NXPH1: variants seen among roughly 807,000 people sequenced by gnomAD.
NXPH1 encodes neurexophilin-1.
A neutral mutation model predicts 23.7 loss-of-function variants in NXPH1; 5 were observed. The ratio of observed to expected loss-of-function variants is 0.21; its 90% CI spans 0.11 to 0.44. The LOEUF (loss-of-function observed/expected upper bound fraction) is 0.44, where lower values mean the gene tolerates loss of function less well. NXPH1 is among the 20% of genes least tolerant of loss of function. The pLI, the probability that NXPH1 is intolerant of heterozygous loss-of-function variation, is 0.99. For missense variants in NXPH1, 324 were observed against 321.6 expected (o/e 1.01, Z -0.06); for synonymous variants, 144 against 122.2 (o/e 1.18, Z -1.18).
rs144607685 is a variant in NXPH1 at position 8,437,322 on chromosome 7, A to G, written c.54+1555A>G. Among the ~76,000 whole-genome samples, 230 of 149,708 alleles carry G rather than the reference A, an allele frequency of 1.5e-3. 1 individual carries two copies. Among genetic ancestry groups the G allele is most frequent in the Admixed American group, 2.5e-3 (37 of 15,086 alleles). On this transcript the variant is annotated intron_variant, in intron 2 of 2. Transcript: ENST00000405863. Reference sequence around the variant, plus strand: ...TTGAGAGACCATGGATGGAGGGCAGAAAGTTTGGCCAGAAGAAATATAGAA... The same window carrying G: ...TTGAGAGACCATGGATGGAGGGCAGGAAGTTTGGCCAGAAGAAATATAGAA...
intron 2 of NXPH1, among the ~76,000 whole-genome samples, chr7:8,466,357 G>A (rs561130504): frequency 6.6e-6 from 1 of 152,266 alleles, no homozygotes; most frequent in South Asian, 2.1e-4. Flanking sequence ...AATTGGTATG[G>A]GAACGATGAG....
At chr7:8,750,312 GTTTA>G (rs759851612) in intron 2 of NXPH1, among the ~76,000 whole-genome samples, 1 of 152,152 alleles carries the variant, frequency 6.6e-6, no homozygotes, top group Non-Finnish European at 1.5e-5. Context: ...GAGAATCACA[GTTTA>G]TTTCATATTT....
intron 2 of NXPH1, among the ~76,000 whole-genome samples, chr7:8,716,722 G>A (rs1323764921): frequency 4.6e-5 from 7 of 152,066 alleles, no homozygotes; most frequent in Non-Finnish European, 1.5e-5. Context: ...AAGAGTACAT[G>A]ATTTAAAAAA....
chr7:8,624,285 C>A (rs1819942033), intron 2 of NXPH1, among the ~76,000 whole-genome samples: 2 of 152,184 alleles, frequency 1.3e-5, no homozygotes, highest in South Asian at 4.2e-4. Flanking sequence ...AGAGAATGTA[C>A]TTGTTTTCAG....
At chr7:8,549,037 T>G (rs1818237670) in intron 2 of NXPH1, among the ~76,000 whole-genome samples, 2 of 151,516 alleles carry the variant, frequency 1.3e-5, no homozygotes, top group South Asian at 4.1e-4. Flanking sequence ...TGTTTAATAA[T>G]TGAAAGATAA....
In NXPH1 at chr7:8,563,622, G is replaced by A. The variant is rs190665332; in HGVS notation, c.54+127855G>A. Reference sequence around the variant, plus strand: ...GAGCTAGTATGAGAGCTGGTAAAGGGAAAGGATTTTAGGAGAAGTCAAATT... The same window carrying A: ...GAGCTAGTATGAGAGCTGGTAAAGGAAAAGGATTTTAGGAGAAGTCAAATT... On this transcript the variant is annotated intron_variant, in intron 2 of 2. Transcript: ENST00000405863. Among the ~76,000 whole-genome samples the A allele has an allele frequency of 5.0e-3, 754 of 151,856 alleles. 8 individuals are homozygous for A. The highest frequency in any genetic ancestry group is 0.017 in the African/African-American group (720 of 41,472).
At chr7:8,452,214 A>T (rs1816518851) in intron 2 of NXPH1, among the ~76,000 whole-genome samples, 1 of 152,196 alleles carries the variant, frequency 6.6e-6, no homozygotes, top group Admixed American at 6.5e-5. Flanking sequence ...TTCTTGTGAG[A>T]AGAATATCTG....
chr7:8,743,694 T>A (rs1338155569), intron 2 of NXPH1, among the ~76,000 whole-genome samples: 1 of 151,360 alleles, frequency 6.6e-6, no homozygotes, highest in Non-Finnish European at 1.5e-5. Context: ...CTTTTCTTTT[T>A]TTTTTTTGAG....
intron 2 of NXPH1, among the ~76,000 whole-genome samples, chr7:8,699,521 G>C (rs1212035782): frequency 1.3e-5 from 2 of 152,044 alleles, no homozygotes; most frequent in Non-Finnish European, 2.9e-5. Context: ...AAGTAATTTT[G>C]AACAGATATG....
intron 2 of NXPH1, among the ~76,000 whole-genome samples, chr7:8,490,490 T>A (rs1193775672): frequency 6.6e-6 from 1 of 151,874 alleles, no homozygotes; most frequent in African/African-American, 2.4e-5. Flanking sequence ...TGGTACTTCA[T>A]AGAAAGGAGT....
chr7:8,648,744 C>A (rs1820436479), intron 2 of NXPH1, among the ~76,000 whole-genome samples: 1 of 152,056 alleles, frequency 6.6e-6, no homozygotes, highest in African/African-American at 2.4e-5. Flanking sequence ...AATGTGTTTT[C>A]TTGAAAACAT....
intron 2 of NXPH1, among the ~76,000 whole-genome samples, chr7:8,530,594 G>A (rs959669175): frequency 2.6e-5 from 4 of 152,292 alleles, no homozygotes; most frequent in South Asian, 4.1e-4. Flanking sequence ...CAAGAAAGAC[G>A]GTTGTTGTAG....
chr7:8,735,019 T>G (rs188607316), intron 2 of NXPH1, among the ~76,000 whole-genome samples: 3 of 152,362 alleles, frequency 2.0e-5, no homozygotes, highest in Non-Finnish European at 4.4e-5. Context: ...TGAAGTTGCT[T>G]ATCAGCTTAA....
At chr7:8,556,963 C>T (rs531053995) in intron 2 of NXPH1, among the ~76,000 whole-genome samples, 103 of 151,786 alleles carry the variant, frequency 6.8e-4, no homozygotes, top group Middle Eastern at 6.8e-3. Context: ...GGTAATGTAC[C>T]TTGCTCAAGG....
intron 2 of NXPH1, among the ~76,000 whole-genome samples, chr7:8,463,738 G>C (rs1298636456): frequency 2.6e-5 from 4 of 152,088 alleles, no homozygotes; most frequent in Admixed American, 1.3e-4. Context: ...TCTATGGACT[G>C]TTCATTCCCT....
At chr7:8,586,280 A>C (rs1466541741) in intron 2 of NXPH1, among the ~76,000 whole-genome samples, 2 of 152,134 alleles carry the variant, frequency 1.3e-5, no homozygotes, top group Non-Finnish European at 2.9e-5. Flanking sequence ...GCAAGGGGAG[A>C]AGATTGTGGA....
At chr7:8,703,708 A>C (rs1347383236) in intron 2 of NXPH1, among the ~76,000 whole-genome samples, 3 of 152,168 alleles carry the variant, frequency 2.0e-5, no homozygotes, top group African/African-American at 7.2e-5. Flanking sequence ...AGAAAAGGGC[A>C]AACTCCTTTC....
At chr7:8,524,215 C>G (rs1275145990) in intron 2 of NXPH1, among the ~76,000 whole-genome samples, 1 of 116,612 alleles carries the variant, frequency 8.6e-6, no homozygotes, top group Non-Finnish European at 1.6e-5. Flanking sequence ...GCACTCCAGT[C>G]TGGGTGACAG....
chr7:8,640,303 TA>T (rs1820286679), intron 2 of NXPH1, among the ~76,000 whole-genome samples: 1 of 138,316 alleles, frequency 7.2e-6, no homozygotes, highest in Admixed American at 7.8e-5. Context: ...TTTAAAATAT[TA>T]TATGGGGTGG....
Sources: allele counts gnomAD v4.1 joint callset (sites outside exome capture counted in the v4.1 genomes callset), GRCh38; gene constraint gnomAD v4.1.1; transcripts MANE v1.5; gene names NCBI Gene and HGNC (gene_info 2026-07-23, HGNC 2026-07-21).